SERGEF: variants seen among roughly 807,000 people sequenced by gnomAD.
SERGEF encodes secretion regulating guanine nucleotide exchange factor, also known as secretion-regulating guanine nucleotide exchange factor.
SERGEF carries 51 observed loss-of-function variants against 50.0 expected under a neutral mutation model. That is an observed-to-expected ratio of 1.02 (90% CI 0.81 to 1.29). SERGEF has a LOEUF of 1.29. Among genes scored for constraint, SERGEF ranks in the 50% most tolerant of loss-of-function variants. The pLI is 0.00. For missense variants in SERGEF, 521 were observed against 557.0 expected (o/e 0.94, Z 0.65); for synonymous variants, 205 against 212.4 (o/e 0.97, Z 0.30).
intron 9 of SERGEF, among the ~76,000 whole-genome samples, chr11:17,911,394 CAT>C (rs1036953996): frequency 2.7e-5 from 4 of 147,234 alleles, no homozygotes; most frequent in African/African-American, 7.5e-5. Flanking sequence ...TATATACACA[CAT>C]ATATATACAC....
intron 10 of SERGEF, among the ~76,000 whole-genome samples, chr11:17,800,682 G>A (rs982474026): frequency 6.6e-6 from 1 of 152,158 alleles, no homozygotes; most frequent in African/African-American, 2.4e-5. Context: ...GATTTAGAAG[G>A]GCAGGTAGTT....
At chr11:17,915,465 C>G (rs1430701457) in intron 9 of SERGEF, among the ~76,000 whole-genome samples, 8 of 152,206 alleles carry the variant, frequency 5.3e-5, no homozygotes, top group Admixed American at 3.3e-4. Context: ...GAGAGGTGAT[C>G]TGAGTCCCTA....
intron 10 of SERGEF, among the ~76,000 whole-genome samples, chr11:17,838,361 T>A (rs911232563): frequency 6.6e-6 from 1 of 152,116 alleles, no homozygotes; most frequent in Admixed American, 6.5e-5. Flanking sequence ...CTCTGGGCAG[T>A]AGGGAAGAGT....
intron 9 of SERGEF, among the ~76,000 whole-genome samples, chr11:17,947,887 C>T (rs898202181): frequency 6.6e-6 from 1 of 151,698 alleles, no homozygotes; most frequent in Middle Eastern, 3.4e-3. Context: ...AGTCAATGTT[C>T]GACAAACAGG....
chr11:17,930,085 T>C (rs1205427215), intron 9 of SERGEF, among the ~76,000 whole-genome samples: 1 of 152,220 alleles, frequency 6.6e-6, no homozygotes, highest in Admixed American at 6.5e-5. Context: ...GACCCAAATC[T>C]GAACCCCAGC....
At chr11:17,830,853 G>A (rs567244114) in intron 10 of SERGEF, among the ~76,000 whole-genome samples, 38 of 152,164 alleles carry the variant, frequency 2.5e-4, no homozygotes, top group Admixed American at 1.4e-3. Flanking sequence ...CATTCAAACC[G>A]TATCACTTAG....
chr11:17,845,751 G>C (rs1850595845), intron 10 of SERGEF, among the ~76,000 whole-genome samples: 1 of 152,158 alleles, frequency 6.6e-6, no homozygotes, highest in African/African-American at 2.4e-5. Context: ...AGCTAAAAGA[G>C]ATTGACCAAT....
intron 6 of SERGEF, among the ~76,000 whole-genome samples, chr11:17,995,172 C>T (rs1455622193): frequency 1.3e-5 from 2 of 152,136 alleles, no homozygotes; most frequent in Non-Finnish European, 2.9e-5. Flanking sequence ...GACCAAATGA[C>T]CAACAGACCT....
intron 9 of SERGEF, among the ~76,000 whole-genome samples, chr11:17,943,989 G>A (rs1852607636): frequency 6.6e-6 from 1 of 152,132 alleles, no homozygotes; most frequent in Non-Finnish European, 1.5e-5. Flanking sequence ...GTGCAGTGGT[G>A]CGATCTCAGC....
At chr11:17,833,049 C>T (rs551030238) in intron 10 of SERGEF, among the ~76,000 whole-genome samples, 8 of 152,286 alleles carry the variant, frequency 5.3e-5, no homozygotes, top group Non-Finnish European at 8.8e-5. Context: ...GCATAAGTAA[C>T]GAGGAGCCAA....
At position 17,788,308 on chromosome 11, in the gene SERGEF, G is replaced by C. The variant is rs1470300929; in HGVS notation, c.1154C>G (p.Ser385Ter). 1 of 1,614,224 alleles carries C rather than the reference G, an allele frequency of 6.2e-7. No homozygotes were observed. Among genetic ancestry groups the C allele is most frequent in the Non-Finnish European group, 8.5e-7 (1 of 1,180,036 alleles). ...AGCCCCACAGCCCACAAGGAGTCCT[G>C]ACGATGACAGCAGAGCCTGCACCGG... is the stretch of plus-strand genomic sequence containing the variant. ...PKPVQALLSS[S>*]GLLVGCGAGH... is the part of the protein sequence containing the mutation. The change falls in exon 11 of 11, where the codon TCA becomes TGA. Residue 385 changes from serine to a stop codon, truncating the protein, a stop_gained. Transcript: ENST00000265965. LOFTEE classifies it low-confidence loss of function (END_TRUNC).
chr11:17,953,550 G>C (rs750926180), intron 9 of SERGEF, among the ~76,000 whole-genome samples: 1 of 152,158 alleles, frequency 6.6e-6, no homozygotes, highest in Non-Finnish European at 1.5e-5. Flanking sequence ...TTCCCAAACT[G>C]GCCTGGGATT....
At chr11:17,830,649 G>GGAGGGAGAGA (rs60101312) in intron 10 of SERGEF, among the ~76,000 whole-genome samples, 20 of 77,756 alleles carry the variant, frequency 2.6e-4, no homozygotes, top group African/African-American at 9.2e-4. Flanking sequence ...GGAGAGGGAG[G>GGAGGGAGAGA]GAGAGAGAGA....
intron 7 of SERGEF, 55 bp from the exon 8 acceptor site, chr11:17,988,810 T>C (rs1853651210): frequency 6.5e-7 from 1 of 1,540,648 alleles, no homozygotes; most frequent in Non-Finnish European, 8.9e-7. Flanking sequence ...TCCAAAATGA[T>C]GGAAAATAAC....
At chr11:17,947,888 G>A (rs993900980) in intron 9 of SERGEF, among the ~76,000 whole-genome samples, 6 of 151,578 alleles carry the variant, frequency 4.0e-5, no homozygotes, top group South Asian at 2.1e-4. Flanking sequence ...GTCAATGTTC[G>A]ACAAACAGGA....
At chr11:17,827,900 G>A (rs1850228883) in intron 10 of SERGEF, among the ~76,000 whole-genome samples, 2 of 152,178 alleles carry the variant, frequency 1.3e-5, no homozygotes, top group South Asian at 4.1e-4. Flanking sequence ...TTTTGTATAA[G>A]AAATGTTTGT....
chr11:17,818,002 C>A (rs1303743482), intron 10 of SERGEF, among the ~76,000 whole-genome samples: 1 of 152,188 alleles, frequency 6.6e-6, no homozygotes, highest in African/African-American at 2.4e-5. Context: ...GGTTTCCAAA[C>A]CACTCTATGC....
At chr11:17,885,854 C>T (rs1323709526) in intron 9 of SERGEF, among the ~76,000 whole-genome samples, 1 of 152,164 alleles carries the variant, frequency 6.6e-6, no homozygotes, top group African/African-American at 2.4e-5. Context: ...AGGCCTAGTT[C>T]AAAACCTGAG....
intron 9 of SERGEF, among the ~76,000 whole-genome samples, chr11:17,944,387 T>C (rs1057378344): frequency 6.6e-6 from 1 of 152,218 alleles, no homozygotes; most frequent in African/African-American, 2.4e-5. Context: ...TTCAAGAAGC[T>C]TCAGACTCTA....
Sources: allele counts gnomAD v4.1 joint callset (sites outside exome capture counted in the v4.1 genomes callset), GRCh38; gene constraint gnomAD v4.1.1; transcripts MANE v1.5; gene names NCBI Gene and HGNC (gene_info 2026-07-23, HGNC 2026-07-21).